Variants in NCOA2 observed in about 807,000 individuals in gnomAD.
NCOA2 encodes class E basic helix-loop-helix protein 75.
In NCOA2, 21 loss-of-function variants were observed where a neutral mutation model predicts 145.1. That is an observed-to-expected ratio of 0.14 (90% CI 0.10 to 0.21). The LOEUF (loss-of-function observed/expected upper bound fraction) is 0.21. Ranked by LOEUF, NCOA2 falls within the 10% of genes least tolerant of loss-of-function variation. The probability of loss-of-function intolerance (pLI) is 1.00; values close to 1 mark genes in which losing one functional copy is unlikely to be tolerated. For synonymous variants in NCOA2, 619 were observed against 637.5 expected (o/e 0.97, Z 0.44); for missense variants, 1,472 against 1,837.6 (o/e 0.80, Z 3.64).
At chr8:70,315,728 G>A (rs1805532111) in intron 1 of NCOA2, among the ~76,000 whole-genome samples, 1 of 152,208 alleles carries the variant, frequency 6.6e-6, no homozygotes, top group Non-Finnish European at 1.5e-5. Flanking sequence ...GGAGGCAGGA[G>A]GAAGGCACCA....
intron 8 of NCOA2, among the ~76,000 whole-genome samples, 153 bp downstream of exon 8, chr8:70,163,312 C>G (rs1813252191): frequency 6.6e-6 from 1 of 152,176 alleles, no homozygotes; most frequent in Non-Finnish European, 1.5e-5. Context: ...GCCAGTGGCT[C>G]TCTCTCCGGT....
At chr8:70,346,961 T>C (rs1405186384) in intron 1 of NCOA2, among the ~76,000 whole-genome samples, 1 of 152,204 alleles carries the variant, frequency 6.6e-6, no homozygotes, top group East Asian at 1.9e-4. Context: ...ATTGACAATA[T>C]CATCAATGTA....
intron 2 of NCOA2, among the ~76,000 whole-genome samples, chr8:70,250,425 A>T (rs922517834): frequency 7.2e-6 from 1 of 139,624 alleles, no homozygotes; most frequent in African/African-American, 2.6e-5. Context: ...AAAAAAAGTC[A>T]GCCGAGCGTG....
In NCOA2 at chr8:70,328,714, T is replaced by C. The variant is rs550063606; in HGVS notation, c.-76-31914A>G. On this transcript the variant is annotated intron_variant, in intron 1 of 22. Coordinates refer to ENST00000452400, the MANE Select transcript of NCOA2 (RefSeq NM_006540.4). ...TTTCACATTAAATATTTTTTCATGT[T>C]AAAAAATAACTTTTCATTTGCATTT... Among the ~76,000 whole-genome samples the C allele has an allele frequency of 6.6e-5, 10 of 152,210 alleles. No individual in the cohort carries two copies. The East Asian group carries it at 1.7e-3, about 26-fold the overall frequency.
the NCOA2 span, among the ~76,000 whole-genome samples, chr8:70,425,029 G>A: frequency 7.4e-4 from 112 of 152,302 alleles, no homozygotes; most frequent in Non-Finnish European, 1.3e-3. Flanking sequence ...AGAGATCTCA[G>A]CCACTAAACT....
chr8:70,153,406 G>T (rs1005479374), intron 11 of NCOA2, among the ~76,000 whole-genome samples: 5 of 152,194 alleles, frequency 3.3e-5, no homozygotes. Flanking sequence ...GACTCAAGGA[G>T]TTTTTAAAAA....
the NCOA2 span, among the ~76,000 whole-genome samples, chr8:70,437,130 C>T: frequency 6.6e-6 from 1 of 152,244 alleles, no homozygotes; most frequent in Non-Finnish European, 1.5e-5. Context: ...TCTCTCCTGT[C>T]ACATGATTTC....
intron 2 of NCOA2, among the ~76,000 whole-genome samples, chr8:70,274,955 G>C (rs1247156773): frequency 2.0e-5 from 3 of 152,136 alleles, no homozygotes; most frequent in Non-Finnish European, 1.5e-5. Context: ...ATTTCGGCTA[G>C]AGAAGTGGCA....
At chr8:70,398,756 T>G (rs887645789) in intron 1 of NCOA2, among the ~76,000 whole-genome samples, 2 of 152,222 alleles carry the variant, frequency 1.3e-5, no homozygotes, top group Non-Finnish European at 2.9e-5. Context: ...GTCATTTAAT[T>G]CTTCTCTAGA....
At chr8:70,369,466 G>A (rs775370688) in intron 1 of NCOA2, among the ~76,000 whole-genome samples, 9 of 152,150 alleles carry the variant, frequency 5.9e-5, no homozygotes, top group Non-Finnish European at 1.3e-4. Flanking sequence ...ATAGAACAGA[G>A]AAATGTAATA....
chr8:70,376,237 G>C (rs1811655986), intron 1 of NCOA2, among the ~76,000 whole-genome samples: 1 of 152,132 alleles, frequency 6.6e-6, no homozygotes. Flanking sequence ...TTAGGAATAA[G>C]TGTCCTCAAA....
rs367900470 is a variant in NCOA2 at position 70,156,808 on chromosome 8, A to G, written c.1557T>C (p.Val519=). ...PAGSLHSPVG[V]CSSTGNSHSY... is the part of the protein sequence containing the mutation. ...TATGGCTATTTCCTGTGCTGCTGCA[A>G]ACTCCCACAGGGGAATGCAAGCTTC... Residue 519 remains valine, a synonymous_variant, in exon 11 of 23, where the codon GTT becomes GTC. Transcript: ENST00000452400. The G allele has an allele frequency of 5.0e-6, 8 of 1,613,856 alleles. No individual in the cohort carries two copies. The highest frequency in any genetic ancestry group is 6.8e-6 in the Non-Finnish European group (8 of 1,179,882).
chr8:70,194,729 T>C (rs149750040), intron 4 of NCOA2, among the ~76,000 whole-genome samples: 3 of 148,636 alleles, frequency 2.0e-5, no homozygotes, highest in East Asian at 2.0e-4. Context: ...GCCTTGAAAG[T>C]GTGCATCATC....
At chr8:70,428,123 A>T in the NCOA2 span, among the ~76,000 whole-genome samples, 1 of 152,156 alleles carries the variant, frequency 6.6e-6, no homozygotes, top group Non-Finnish European at 1.5e-5. Context: ...CAGGATTGAT[A>T]AAAATAGGCT....
At chr8:70,252,018 T>C (rs1270242729) in intron 2 of NCOA2, among the ~76,000 whole-genome samples, 1 of 152,240 alleles carries the variant, frequency 6.6e-6, no homozygotes, top group African/African-American at 2.4e-5. Flanking sequence ...TTAAATCATT[T>C]ATAGATTACT....
intron 1 of NCOA2, chr8:70,357,423 T>G (rs950040835): frequency 2.0e-5 from 3 of 152,210 alleles, no homozygotes; most frequent in Non-Finnish European, 2.9e-5. Context: ...TTCTCCACTC[T>G]CACTGCTTTA....
intron 10 of NCOA2, among the ~76,000 whole-genome samples, chr8:70,158,679 G>C (rs911079904): frequency 2.0e-5 from 3 of 152,148 alleles, no homozygotes; most frequent in African/African-American, 4.8e-5. Flanking sequence ...CTGAACCCAA[G>C]AGGCAGAGGT....
intron 2 of NCOA2, among the ~76,000 whole-genome samples, chr8:70,241,923 T>C (rs1822169148): frequency 6.6e-6 from 1 of 152,172 alleles, no homozygotes; most frequent in Non-Finnish European, 1.5e-5. Context: ...GCCTTTAAAA[T>C]TTTATTTTTA....
At chr8:70,360,563 C>A (rs1810110186) in intron 1 of NCOA2, among the ~76,000 whole-genome samples, 1 of 152,062 alleles carries the variant, frequency 6.6e-6, no homozygotes, top group Non-Finnish European at 1.5e-5. Flanking sequence ...TCTTGCAATA[C>A]ACCTGTTTAA....
Sources: gnomAD v4.1 joint callset for allele counts (sites outside exome capture counted in the v4.1 genomes callset) on GRCh38, gnomAD v4.1.1 for gene constraint, MANE v1.5 for transcripts, NCBI Gene and HGNC (gene_info 2026-07-23, HGNC 2026-07-21) for gene names.